The following PRKAG2 variants were observed in gnomAD, a reference collection of about 807,000 sequenced individuals.
The protein encoded by PRKAG2 is 5'-AMP-activated protein kinase subunit gamma-2.
PRKAG2 carries 26 observed loss-of-function variants against 69.6 expected under a neutral mutation model. The ratio of observed to expected loss-of-function variants is 0.37; its 90% CI spans 0.27 to 0.52. The LOEUF (loss-of-function observed/expected upper bound fraction) is 0.52, where lower values mean the gene tolerates loss of function less well. Ranked by LOEUF, PRKAG2 falls within the 20% of genes least tolerant of loss-of-function variation. The pLI, the probability that PRKAG2 is intolerant of heterozygous loss-of-function variation, is 0.90. For missense variants in PRKAG2, 557 were observed against 740.0 expected (o/e 0.75, Z 2.87); for synonymous variants, 293 against 285.0 (o/e 1.03, Z -0.28).
rs140271651 is a variant in PRKAG2 at position 151,720,002 on chromosome 7, G to C, written c.467-44365C>G. Among the ~76,000 whole-genome samples the C allele has an allele frequency of 7.6e-3, 1,152 of 152,322 alleles. 17 individuals carry two copies. Among genetic ancestry groups the C allele is most frequent in the African/African-American group, 0.026 (1,078 of 41,576 alleles). The stretch of plus-strand genomic sequence containing the variant: ...CTGGCCCAGTCCTGGGCTCCTCCAG[G>C]TCTGTGAGCACCCCCAGGGGATGTG... On this transcript the variant is annotated intron_variant, in intron 3 of 15. Coordinates refer to ENST00000287878, the MANE Select transcript of PRKAG2 (RefSeq NM_016203.4).
intron 1 of PRKAG2, chr7:151,837,398 G>C (rs900990049): frequency 5.2e-5 from 8 of 152,718 alleles, no homozygotes; most frequent in African/African-American, 1.9e-4. Flanking sequence ...AAGAGGGAGA[G>C]AAAGAGGCAG....
At chr7:151,645,936 G>A (rs762495283) in intron 4 of PRKAG2, among the ~76,000 whole-genome samples, 6 of 152,142 alleles carry the variant, frequency 3.9e-5, no homozygotes, top group Non-Finnish European at 8.8e-5. Context: ...AAATCCAATT[G>A]TTCCACATTG....
At chr7:151,799,425 A>C (rs2077714692) in intron 1 of PRKAG2, among the ~76,000 whole-genome samples, 1 of 152,208 alleles carries the variant, frequency 6.6e-6, no homozygotes, top group Non-Finnish European at 1.5e-5. Context: ...GGGCCTGGCT[A>C]TACTGGGCAC....
chr7:151,849,720 C>T (rs191294322), intron 1 of PRKAG2, among the ~76,000 whole-genome samples: 4 of 152,114 alleles, frequency 2.6e-5, no homozygotes, highest in African/African-American at 7.2e-5. Context: ...CCTGTCTCGG[C>T]CTCTGCTGTC....
chr7:151,862,549 C>T (rs1315772151), intron 1 of PRKAG2, among the ~76,000 whole-genome samples: 5 of 152,196 alleles, frequency 3.3e-5, no homozygotes, highest in Admixed American at 3.3e-4. Flanking sequence ...TCATCATCAT[C>T]ATTGTCAACA....
At chr7:151,591,659 G>A (rs1012205094) in intron 6 of PRKAG2, among the ~76,000 whole-genome samples, 30 of 152,118 alleles carry the variant, frequency 2.0e-4, no homozygotes, top group Non-Finnish European at 3.7e-4. Context: ...GGTACTGAGT[G>A]ACACTAAAAG....
chr7:151,871,883 C>CAA (rs2080226729), intron 1 of PRKAG2, among the ~76,000 whole-genome samples: 1 of 152,168 alleles, frequency 6.6e-6, no homozygotes, highest in African/African-American at 2.4e-5. Context: ...CAATCCAATT[C>CAA]AATGAAGAGA....
intron 3 of PRKAG2, among the ~76,000 whole-genome samples, chr7:151,755,254 T>A (rs568180060): frequency 6.6e-6 from 1 of 152,156 alleles, no homozygotes; most frequent in South Asian, 2.1e-4. Context: ...CTTGAAGGAA[T>A]CGGGAATCTG....
intron 1 of PRKAG2, among the ~76,000 whole-genome samples, chr7:151,815,321 C>T (rs2078609344): frequency 6.6e-6 from 1 of 152,248 alleles, no homozygotes; most frequent in South Asian, 2.1e-4. Flanking sequence ...GGAGGGACTG[C>T]CCTCCCAGGG....
intron 3 of PRKAG2, among the ~76,000 whole-genome samples, chr7:151,772,984 T>TGAATGAATGAATGAAAGAAA (rs2076091050): frequency 1.4e-5 from 1 of 71,832 alleles, no homozygotes; most frequent in Non-Finnish European, 2.6e-5. Context: ...TCTAAATGAA[T>TGAATGAATGAATGAAAGAAA]GAAAGAAAGA....
intron 11 of PRKAG2, among the ~76,000 whole-genome samples, chr7:151,568,465 A>G (rs562529186): frequency 6.6e-6 from 1 of 152,330 alleles, no homozygotes; most frequent in East Asian, 1.9e-4. Flanking sequence ...GTTTTAATTT[A>G]AAGAGAGAAT....
At chr7:151,575,502 TAA>T (rs1340378381) in intron 7 of PRKAG2, among the ~76,000 whole-genome samples, 2 of 152,206 alleles carry the variant, frequency 1.3e-5, no homozygotes, top group Admixed American at 6.5e-5. Flanking sequence ...TGAAGAATAC[TAA>T]GAGAGACAAT....
chr7:151,855,388 CACACCATCCACACACCACCCTCCACAT>C lies in PRKAG2; in HGVS notation c.114+21092_114+21118del, dbSNP rs1211083356. 2.9e-3 allele frequency among the ~76,000 whole-genome samples: 75 copies of C among 25,704 alleles called. 1 individual carries two copies. Among genetic ancestry groups the C allele is most frequent in the African/African-American group, 3.8e-3 (27 of 7,034 alleles). 16.9% of individuals were successfully genotyped at this position (25,704 alleles called of 152,430 possible). The stretch of plus-strand genomic sequence containing the variant: ...CCCTCCACACACACCGCCCTCCACA[CACACCATCCACACACCACCCTCCACAT>C]ACACCATGCTCCACACACACCGCCC... On this transcript the variant is annotated intron_variant, in intron 1 of 15. Transcript: ENST00000287878.
intron 3 of PRKAG2, among the ~76,000 whole-genome samples, chr7:151,718,148 G>A (rs893236073): frequency 2.6e-5 from 4 of 152,148 alleles, no homozygotes; most frequent in African/African-American, 4.8e-5. Context: ...GGTGGCTTAC[G>A]TAACAGAAGT....
intron 5 of PRKAG2, among the ~76,000 whole-genome samples, chr7:151,615,799 CAAG>C (rs1300673587): frequency 6.6e-6 from 1 of 152,134 alleles, no homozygotes; most frequent in Non-Finnish European, 1.5e-5. Context: ...ACATGGCTAA[CAAG>C]AATATGAAAA....
intron 3 of PRKAG2, among the ~76,000 whole-genome samples, chr7:151,703,910 A>ACACG (rs1563476684): frequency 7.4e-6 from 1 of 135,070 alleles, no homozygotes. Context: ...ACACACACAC[A>ACACG]AATTAGCTAG....
intron 3 of PRKAG2, among the ~76,000 whole-genome samples, chr7:151,703,363 T>C (rs561577290): frequency 2.6e-5 from 4 of 152,336 alleles, no homozygotes; most frequent in East Asian, 3.9e-4. Flanking sequence ...GTGTTTCCCC[T>C]GCAGTGTCTT....
rs2076437639 is a variant in PRKAG2 at position 151,777,535 on chromosome 7, C to T, written c.466+3617G>A. Reference sequence around the variant, plus strand: ...TCCAGTACCTCCCCCCTCTCTCTTGCTCCCTTGCGTGTGAGCTCTGCATAC... The same window carrying T: ...TCCAGTACCTCCCCCCTCTCTCTTGTTCCCTTGCGTGTGAGCTCTGCATAC... On this transcript the variant is annotated intron_variant, in intron 3 of 15. Coordinates refer to ENST00000287878, the MANE Select transcript of PRKAG2 (RefSeq NM_016203.4). The surrounding 1 kb of genome is among the most constrained non-coding windows in gnomAD (Gnocchi z 4.3). Among the ~76,000 whole-genome samples the T allele has an allele frequency of 6.6e-6, 1 of 152,182 alleles. No individual in the cohort carries two copies. Among genetic ancestry groups the T allele is most frequent in the African/African-American group, 2.4e-5 (1 of 41,434 alleles).
intron 1 of PRKAG2, among the ~76,000 whole-genome samples, chr7:151,874,008 A>G (rs1485842382): frequency 2.0e-5 from 3 of 146,468 alleles, no homozygotes; most frequent in African/African-American, 7.7e-5. Flanking sequence ...ATGTATATGT[A>G]TAAGTATATG....
Sources: gnomAD v4.1 joint callset for allele counts (sites outside exome capture counted in the v4.1 genomes callset) on GRCh38, gnomAD v4.1.1 for gene constraint, Gnocchi (gnomAD v3.1) non-coding constraint, MANE v1.5 for transcripts, NCBI Gene and HGNC (gene_info 2026-07-23, HGNC 2026-07-21) for gene names.